TAS2R1: variants seen among roughly 807,000 people sequenced by gnomAD.
TAS2R1 encodes the protein taste receptor type 2 member 1.
For synonymous variants in TAS2R1, 141 were observed against 134.2 expected, an observed-to-expected ratio of 1.05 and a Z score of -0.35; for missense variants, 370 against 353.4, an observed-to-expected ratio of 1.05 and a Z score of -0.38.
At chr5:9,758,209 A>G in the TAS2R1 span, among the ~76,000 whole-genome samples, 8 of 152,218 alleles carry the variant, frequency 5.3e-5, no homozygotes, top group Admixed American at 2.6e-4. Context: ...ATAAGTAATT[A>G]GAACAAAGCT....
chr5:9,731,150 G>A, the TAS2R1 span, among the ~76,000 whole-genome samples: 1 of 151,764 alleles, frequency 6.6e-6, no homozygotes, highest in Admixed American at 6.6e-5. Flanking sequence ...TGACCTGCTC[G>A]CAGCCAGCCC....
the TAS2R1 span, among the ~76,000 whole-genome samples, chr5:9,792,542 T>C: frequency 2.6e-5 from 4 of 152,290 alleles, no homozygotes; most frequent in African/African-American, 4.8e-5. Context: ...ACGGCAGCTA[T>C]TGACAACACG....
the TAS2R1 span, among the ~76,000 whole-genome samples, chr5:9,808,143 GA>G: frequency 2.0e-5 from 3 of 152,142 alleles, no homozygotes; most frequent in Non-Finnish European, 4.4e-5. Context: ...AGAAAGAAAA[GA>G]AGAAATCTGC....
At chr5:9,668,784 C>T (rs948614177) in intron 1 of TAS2R1, among the ~76,000 whole-genome samples, 3 of 151,998 alleles carry the variant, frequency 2.0e-5, no homozygotes, top group Non-Finnish European at 4.4e-5. Context: ...AAAGCAAAGA[C>T]CATTACTAGC....
At chr5:9,696,740 G>A (rs1052784201) in intron 1 of TAS2R1, among the ~76,000 whole-genome samples, 1 of 152,164 alleles carries the variant, frequency 6.6e-6, no homozygotes, top group Admixed American at 6.5e-5. Context: ...AAGGCCGGGT[G>A]TGGTGGCTCA....
At chr5:9,822,409 GCA>G in the TAS2R1 span, among the ~76,000 whole-genome samples, 2 of 147,012 alleles carry the variant, frequency 1.4e-5, no homozygotes, top group Non-Finnish European at 3.0e-5. Context: ...GAGTGCAGTG[GCA>G]CAGTCTTGGC....
At chr5:9,868,038 A>G in the TAS2R1 span, among the ~76,000 whole-genome samples, 1 of 152,116 alleles carries the variant, frequency 6.6e-6, no homozygotes, top group Non-Finnish European at 1.5e-5. Flanking sequence ...GGGGAGCTCC[A>G]CTCCTGTGGC....
the TAS2R1 span, among the ~76,000 whole-genome samples, chr5:9,820,035 C>T: frequency 7.6e-4 from 116 of 152,180 alleles, no homozygotes; most frequent in South Asian, 0.024. Context: ...GCCTCAACCT[C>T]ATGATATAAA....
the TAS2R1 span, among the ~76,000 whole-genome samples, chr5:9,796,605 A>G: frequency 7.2e-3 from 1,069 of 149,410 alleles, 4 homozygotes; most frequent in Non-Finnish European, 0.011. Flanking sequence ...TCTGGGAAGT[A>G]TTCAGAGCTT....
At chr5:9,899,084 G>A in the TAS2R1 span, among the ~76,000 whole-genome samples, 2 of 152,106 alleles carry the variant, frequency 1.3e-5, no homozygotes, top group Non-Finnish European at 2.9e-5. Context: ...AGGACATAGA[G>A]TGAAACTAGC....
the TAS2R1 span, among the ~76,000 whole-genome samples, chr5:9,868,757 T>TA: frequency 6.6e-6 from 1 of 152,244 alleles, no homozygotes; most frequent in African/African-American, 2.4e-5. Context: ...TCCAAACCTT[T>TA]ATGCTCTGCT....
the TAS2R1 span, among the ~76,000 whole-genome samples, chr5:9,894,751 G>A: frequency 6.6e-6 from 1 of 152,230 alleles, no homozygotes; most frequent in Non-Finnish European, 1.5e-5. Context: ...CCTAAAATGA[G>A]GTCATCAGCC....
At chr5:9,748,115 T>C in the TAS2R1 span, among the ~76,000 whole-genome samples, 1 of 152,212 alleles carries the variant, frequency 6.6e-6, no homozygotes, top group African/African-American at 2.4e-5. Context: ...AAGTAGGACA[T>C]GAAGTTTTCT....
At chr5:9,635,820 T>C (rs926060471) in intron 2 of TAS2R1, among the ~76,000 whole-genome samples, 2 of 152,116 alleles carry the variant, frequency 1.3e-5, no homozygotes, top group Admixed American at 1.3e-4. Context: ...TATTGGATCT[T>C]CTCTCATTTT....
At chr5:9,681,081 T>C (rs1740986019) in intron 1 of TAS2R1, among the ~76,000 whole-genome samples, 1 of 151,568 alleles carries the variant, frequency 6.6e-6, no homozygotes, top group African/African-American at 2.4e-5. Context: ...ATCAATATTT[T>C]AAAAATAAAT....
chr5:9,722,870 G>A, the TAS2R1 span, among the ~76,000 whole-genome samples: 3 of 152,194 alleles, frequency 2.0e-5, no homozygotes, highest in African/African-American at 4.8e-5. Context: ...GGCTGCCATC[G>A]GCTCTGCTTT....
the TAS2R1 span, among the ~76,000 whole-genome samples, chr5:9,809,601 G>A: frequency 6.6e-6 from 1 of 152,212 alleles, no homozygotes; most frequent in South Asian, 2.1e-4. Flanking sequence ...ACAAATAAAT[G>A]GCTGTTATTT....
the TAS2R1 span, among the ~76,000 whole-genome samples, chr5:9,889,294 A>G: frequency 1.8e-3 from 279 of 152,314 alleles, 7 homozygotes; most frequent in East Asian, 0.046. Flanking sequence ...ATGGAGGGAC[A>G]GGTACGGCAG....
intron 1 of TAS2R1, among the ~76,000 whole-genome samples, chr5:9,691,607 T>C (rs944506804): frequency 4.6e-5 from 7 of 152,218 alleles, no homozygotes; most frequent in Admixed American, 1.3e-4. Context: ...AAAAGGGGAT[T>C]GAGAAAGCAA....
Sources: gnomAD v4.1 joint callset for allele counts (sites outside exome capture counted in the v4.1 genomes callset) on GRCh38, gnomAD v4.1.1 for gene constraint, MANE v1.5 for transcripts, NCBI Gene and HGNC (gene_info 2026-07-23, HGNC 2026-07-21) for gene names.